Variants in CRTC3 observed in about 807,000 individuals in gnomAD.
The protein encoded by CRTC3 is CREB-regulated transcription coactivator 3.
A neutral mutation model predicts 74.5 loss-of-function variants in CRTC3; 26 were observed. That is an observed-to-expected ratio of 0.35 (90% CI 0.26 to 0.48). The LOEUF (loss-of-function observed/expected upper bound fraction) is 0.48, where lower values mean the gene tolerates loss of function less well. CRTC3 is among the 20% of genes least tolerant of loss of function. CRTC3 has a pLI of 0.99. For synonymous variants in CRTC3, 377 were observed against 325.8 expected (o/e 1.16, Z -1.69); for missense variants, 760 against 787.3 (o/e 0.97, Z 0.41).
chr15:90,599,668 A>C lies in CRTC3; in HGVS notation c.352-2656A>C, dbSNP rs551105784. ...TGATGCCTCAACCTAATTATATTAA[A>C]AATTTCCAGGAATTTACTATATTTT... On this transcript the variant is annotated intron_variant, in intron 3 of 14. Transcript: ENST00000268184. 4 of 152,324 alleles carry C rather than the reference A, an allele frequency of 2.6e-5. No homozygotes were observed. In the East Asian group the frequency reaches 7.7e-4, roughly 29 times the overall value. The allele number at this position is 152,324 out of a possible 1,614,324, so 9.4% of individuals were successfully genotyped here.
At chr15:90,639,447 CTT>C (rs144912546) in intron 13 of CRTC3, among the ~76,000 whole-genome samples, 5,549 of 123,970 alleles carry the variant, frequency 0.045, 311 homozygotes, top group African/African-American at 0.16. Flanking sequence ...GGTTCCAGAA[CTT>C]TTTTTTTTTT....
At chr15:90,582,849 T>C (rs890488696) in intron 2 of CRTC3, among the ~76,000 whole-genome samples, 1 of 152,182 alleles carries the variant, frequency 6.6e-6, no homozygotes, top group Admixed American at 6.5e-5. Context: ...GAGGTCTCAC[T>C]GCTTACAGCC....
chr15:90,584,135 C>G (rs1967605377), intron 2 of CRTC3, among the ~76,000 whole-genome samples: 1 of 151,932 alleles, frequency 6.6e-6, no homozygotes, highest in Admixed American at 6.6e-5. Flanking sequence ...GGGGCTATAA[C>G]ATCTTCCATT....
Position 90,582,050 on chromosome 15 carries a change from C to T in CRTC3, c.232-11586C>T, listed in dbSNP as rs147200700. On this transcript the variant is annotated intron_variant, in intron 2 of 14. Transcript: ENST00000268184. ...TACCAGCCACTAGGCCGGACTCCTG[C>T]CACTGCTCAAGTCTTAGTTGATCAA... 2.2e-3 allele frequency among the ~76,000 whole-genome samples: 339 copies of T among 152,302 alleles called. 3 individuals are homozygous for T. Among genetic ancestry groups the T allele is most frequent in the African/African-American group, 7.8e-3 (325 of 41,552 alleles).
intron 9 of CRTC3, among the ~76,000 whole-genome samples, chr15:90,623,494 G>A (rs1968721146): frequency 6.6e-6 from 1 of 152,102 alleles, no homozygotes; most frequent in Admixed American, 6.6e-5. Context: ...CCAGTCCCCA[G>A]GCTAAAGGCC....
intron 2 of CRTC3, among the ~76,000 whole-genome samples, chr15:90,543,682 A>C (rs1298832863): frequency 6.6e-6 from 1 of 152,132 alleles, no homozygotes; most frequent in Non-Finnish European, 1.5e-5. Flanking sequence ...TTCTTGAAAA[A>C]CTGAGGAGAG....
At chr15:90,542,632 A>G (rs1296217369) in intron 2 of CRTC3, among the ~76,000 whole-genome samples, 6 of 152,244 alleles carry the variant, frequency 3.9e-5, no homozygotes, top group African/African-American at 4.8e-5. Context: ...ATCCATTATT[A>G]CAATCTGATC....
intron 8 of CRTC3, 118 bp from the exon 9 acceptor site, chr15:90,619,623 C>T (rs148780728): frequency 1.7e-5 from 13 of 787,470 alleles, no homozygotes; most frequent in East Asian, 1.5e-4. Flanking sequence ...AGGACTCTGT[C>T]GACACGCAAG....
chr15:90,582,497 A>C (rs1967565874), intron 2 of CRTC3, among the ~76,000 whole-genome samples: 2 of 152,216 alleles, frequency 1.3e-5, no homozygotes, highest in African/African-American at 4.8e-5. Flanking sequence ...AGCCCTCACC[A>C]GTTTTTAATA....
chr15:90,619,901 T>C, intron 9 of CRTC3, 111 bp downstream of exon 9: 2 of 858,956 alleles, frequency 2.3e-6, no homozygotes, highest in African/African-American at 1.7e-5. Context: ...TATGCATAAA[T>C]TGAAAGTCAA....
In CRTC3 at chr15:90,602,282, T is replaced by A; in HGVS notation, c.352-42T>A. On this transcript the variant is annotated intron_variant, in intron 3 of 14. Transcript: ENST00000268184. Reference sequence around the variant, plus strand: ...AGTCCACCTTGTTAATTCTGCTTCATCTTTCCATTAATTTTTATTTTTCCT... The same window carrying A: ...AGTCCACCTTGTTAATTCTGCTTCAACTTTCCATTAATTTTTATTTTTCCT... The A allele has an allele frequency of 2.5e-6, 3 of 1,216,748 alleles. No individual in the cohort carries two copies. In the South Asian group the frequency reaches 3.7e-5, roughly 15 times the overall value. 75.4% of individuals were successfully genotyped at this position (1,216,748 alleles called of 1,614,324 possible).
chr15:90,578,819 T>C (rs1967469265), intron 2 of CRTC3, among the ~76,000 whole-genome samples: 1 of 152,200 alleles, frequency 6.6e-6, no homozygotes, highest in Admixed American at 6.5e-5. Context: ...ATATTACTTA[T>C]TTAAATAACG....
intron 2 of CRTC3, among the ~76,000 whole-genome samples, chr15:90,547,768 C>T (rs559322073): frequency 3.3e-5 from 5 of 152,266 alleles, no homozygotes; most frequent in African/African-American, 9.6e-5. Flanking sequence ...TAGCATGTTC[C>T]AGCCTGTGTA....
chr15:90,609,471 C>T (rs951941942), intron 6 of CRTC3, among the ~76,000 whole-genome samples: 1 of 152,194 alleles, frequency 6.6e-6, no homozygotes, highest in Non-Finnish European at 1.5e-5. Context: ...GACCGGGAGC[C>T]AGCTAGACAG....
chr15:90,567,638 A>C (rs1331306616), intron 2 of CRTC3, among the ~76,000 whole-genome samples: 2 of 152,064 alleles, frequency 1.3e-5, no homozygotes, highest in Non-Finnish European at 2.9e-5. Context: ...CAGTGAGCCA[A>C]AATTGTGCCA....
intron 2 of CRTC3, among the ~76,000 whole-genome samples, chr15:90,559,835 G>A (rs997548149): frequency 2.6e-5 from 4 of 152,190 alleles, no homozygotes; most frequent in African/African-American, 9.7e-5. Context: ...TAGAGATGGG[G>A]TTTTGCCTTG....
chr15:90,541,881 G>A (rs1222770811), intron 2 of CRTC3, among the ~76,000 whole-genome samples: 1 of 151,122 alleles, frequency 6.6e-6, no homozygotes, highest in African/African-American at 2.4e-5. Context: ...CATCACCTGG[G>A]TTCAAGCATT....
intron 4 of CRTC3, among the ~76,000 whole-genome samples, chr15:90,602,760 G>A (rs989044065): frequency 6.6e-6 from 1 of 152,158 alleles, no homozygotes; most frequent in African/African-American, 2.4e-5. Context: ...CAGATCACAA[G>A]GTCAGGAGAT....
intron 9 of CRTC3, 96 bp downstream of exon 9, chr15:90,619,886 C>A: frequency 1.0e-6 from 1 of 1,002,154 alleles, no homozygotes; most frequent in Non-Finnish European, 1.6e-6. Context: ...AGAAACGTAA[C>A]TTGCTATGCA....
Sources: allele counts gnomAD v4.1 joint callset (sites outside exome capture counted in the v4.1 genomes callset), GRCh38; gene constraint gnomAD v4.1.1; transcripts MANE v1.5; gene names NCBI Gene and HGNC (gene_info 2026-07-23, HGNC 2026-07-21).